The following SEMA6D variants were observed in gnomAD, a reference collection of about 807,000 sequenced individuals.
SEMA6D encodes semaphorin 6D, also known as semaphorin-6D.
Under a neutral mutation model 106.6 loss-of-function variants are expected in SEMA6D, and 35 were observed. The observed-to-expected ratio is 0.33, with a 90% CI of 0.25 to 0.44. SEMA6D has a LOEUF of 0.44. Among genes scored for constraint, SEMA6D ranks in the 20% least tolerant of loss-of-function variants. SEMA6D has a pLI of 1.00. For missense variants in SEMA6D, 1,185 were observed against 1,345.9 expected (o/e 0.88, Z 1.87); for synonymous variants, 499 against 487.7 (o/e 1.02, Z -0.31).
At chr15:47,633,224 A>G (rs1397478340) in intron 4 of SEMA6D, among the ~76,000 whole-genome samples, 1 of 152,088 alleles carries the variant, frequency 6.6e-6, no homozygotes, top group Non-Finnish European at 1.5e-5. Context: ...CCAGTATTCT[A>G]TCATTTTTGA....
At chr15:47,495,917 A>C (rs991700084) in intron 3 of SEMA6D, among the ~76,000 whole-genome samples, 7 of 152,030 alleles carry the variant, frequency 4.6e-5, no homozygotes, top group African/African-American at 1.7e-4. Flanking sequence ...AGATCTTCCT[A>C]ATACTCTTAA....
chr15:47,766,670 C>T lies in SEMA6D; in HGVS notation c.1701C>T (p.Asp567=), dbSNP rs200835112. The T allele has an allele frequency of 1.0e-5, 16 of 1,605,830 alleles. No homozygotes were observed. Among genetic ancestry groups the T allele is most frequent in the Non-Finnish European group, 1.4e-5 (16 of 1,172,956 alleles). The change falls in exon 16 of 19, where the codon GAC becomes GAT. Residue 567 remains aspartate (D), a synonymous_variant. Coordinates refer to ENST00000536845, the MANE Select transcript of SEMA6D (RefSeq NM_001358351.3). ...TEFGNTAHLG[D]CHEILPTSTT... ...TCGGCAACACAGCTCATCTAGGGGACTGCCATGGTAAGACAGAATCTTCCA... is the reference window on the plus strand; with the variant it reads ...TCGGCAACACAGCTCATCTAGGGGATTGCCATGGTAAGACAGAATCTTCCA...
chr15:47,671,916 A>G (rs1297849426), intron 4 of SEMA6D, among the ~76,000 whole-genome samples: 1 of 152,202 alleles, frequency 6.6e-6, no homozygotes, highest in Non-Finnish European at 1.5e-5. Flanking sequence ...TGTAAAAATA[A>G]CAAATACTAC....
At chr15:47,734,747 T>C (rs141453366) in intron 1 of SEMA6D, among the ~76,000 whole-genome samples, 1 of 152,296 alleles carries the variant, frequency 6.6e-6, no homozygotes, top group East Asian at 1.9e-4. Flanking sequence ...ATGCCAAGCC[T>C]AGGTTTGAGT....
intron 1 of SEMA6D, among the ~76,000 whole-genome samples, chr15:47,331,596 G>A (rs2037344391): frequency 6.6e-6 from 1 of 151,956 alleles, no homozygotes; most frequent in Admixed American, 6.6e-5. Flanking sequence ...TAAACATGTG[G>A]GTGTGGAGAC....
intron 1 of SEMA6D, among the ~76,000 whole-genome samples, chr15:47,410,097 C>T (rs941503848): frequency 3.9e-5 from 6 of 152,016 alleles, no homozygotes; most frequent in Admixed American, 1.3e-4. Context: ...ACCTCAGCCT[C>T]CTGAGTAGCT....
At chr15:47,292,012 C>T (rs768300466) in intron 1 of SEMA6D, among the ~76,000 whole-genome samples, 148 of 152,234 alleles carry the variant, frequency 9.7e-4, no homozygotes, top group Non-Finnish European at 1.5e-3. Flanking sequence ...AATTTCTGCT[C>T]TTTGCTTCTC....
chr15:47,486,384 C>T (rs1485415648), intron 3 of SEMA6D, among the ~76,000 whole-genome samples: 1 of 152,182 alleles, frequency 6.6e-6, no homozygotes, highest in Non-Finnish European at 1.5e-5. Flanking sequence ...TAAGAGAGCA[C>T]TGTAGGCAAA....
chr15:47,292,655 A>ATG (rs1327138101), intron 1 of SEMA6D, among the ~76,000 whole-genome samples: 1 of 152,218 alleles, frequency 6.6e-6, no homozygotes, highest in Non-Finnish European at 1.5e-5. Flanking sequence ...AGGGATACAC[A>ATG]GACAAATAAA....
chr15:47,726,784 TA>T (rs1379063856), intron 1 of SEMA6D, among the ~76,000 whole-genome samples: 5 of 152,242 alleles, frequency 3.3e-5, no homozygotes, highest in Non-Finnish European at 7.3e-5. Flanking sequence ...TAAATAAAAA[TA>T]AATGCAGGCT....
At chr15:47,649,235 A>G (rs75527164) in intron 4 of SEMA6D, among the ~76,000 whole-genome samples, 2,633 of 152,280 alleles carry the variant, frequency 0.017, 72 homozygotes, top group African/African-American at 0.061. Flanking sequence ...GCATTGAGCC[A>G]GATAGACAGA....
chr15:47,761,061 T>C, intron 4 of SEMA6D, 23 bp downstream of exon 4: 1 of 1,612,706 alleles, frequency 6.2e-7, no homozygotes, highest in Non-Finnish European at 8.5e-7. Context: ...AGTTGGCAAA[T>C]TTATTTACCT....
rs560937549 is a variant in SEMA6D at position 47,765,039 on chromosome 15, A to C, written c.1410A>C (p.Glu470Asp). 1 of 1,613,728 alleles carries C rather than the reference A, an allele frequency of 6.2e-7. No homozygotes were observed. Among genetic ancestry groups the C allele is most frequent in the Non-Finnish European group, 8.5e-7 (1 of 1,179,806 alleles). ...LNDSVLLEEI[E>D]AYNHAKCSAE... ...ACAGCGTATTACTGGAAGAGATTGAAGCCTACAACCATGCAAAGTAGGTAT... is the reference window on the plus strand; with the variant it reads ...ACAGCGTATTACTGGAAGAGATTGACGCCTACAACCATGCAAAGTAGGTAT... Residue 470 changes from glutamate (E) to aspartate (D), a missense_variant, in exon 13 of 19, where the codon GAA (glutamate) becomes GAC (aspartate). Glu to Asp is a conservative substitution (Grantham distance 45). Around this residue, in one of 3 missense-constraint regions of SEMA6D, gnomAD observed 750 missense variants for 783.5 expected, o/e 0.96. Transcript: ENST00000536845.
intron 16 of SEMA6D, 148 bp from the exon 17 acceptor site, chr15:47,766,889 A>C: frequency 1.7e-6 from 1 of 602,696 alleles, no homozygotes; most frequent in South Asian, 2.6e-5. Context: ...TTTTGTAGGA[A>C]ATCTAGAGAG....
chr15:47,556,639 G>A (rs149364936), intron 3 of SEMA6D, among the ~76,000 whole-genome samples: 223 of 152,096 alleles, frequency 1.5e-3, no homozygotes, highest in Admixed American at 2.0e-3. Context: ...CATCCCTAAA[G>A]ATATTTTGGA....
At chr15:47,213,941 TTA>T (rs138139422) in intron 1 of SEMA6D, among the ~76,000 whole-genome samples, 7,803 of 152,170 alleles carry the variant, frequency 0.051, 262 homozygotes, top group South Asian at 0.12. Flanking sequence ...CATTCTTCAT[TTA>T]CGTTTTGGTA....
chr15:47,470,859 G>A (rs140800766), intron 3 of SEMA6D, among the ~76,000 whole-genome samples: 143 of 152,266 alleles, frequency 9.4e-4, no homozygotes, highest in African/African-American at 3.3e-3. Context: ...CAAGCACACC[G>A]TTTGAATCAT....
intron 3 of SEMA6D, among the ~76,000 whole-genome samples, chr15:47,538,295 G>GT (rs1169151946): frequency 5.3e-5 from 8 of 152,056 alleles, no homozygotes; most frequent in African/African-American, 1.9e-4. Flanking sequence ...TCCAGGATAG[G>GT]TATCAATAGA....
intron 4 of SEMA6D, among the ~76,000 whole-genome samples, chr15:47,672,189 G>A (rs185540434): frequency 1.5e-3 from 234 of 152,298 alleles, no homozygotes; most frequent in Non-Finnish European, 2.7e-3. Context: ...CGCAGAGCCA[G>A]TATTCAAAAC....
Sources: gnomAD v4.1 joint callset for allele counts (sites outside exome capture counted in the v4.1 genomes callset) on GRCh38, gnomAD v4.1.1 for gene constraint, gnomAD v4.1.1 regional missense constraint, MANE v1.5 for transcripts, NCBI Gene and HGNC (gene_info 2026-07-23, HGNC 2026-07-21) for gene names.